LRRC4C: variants seen among roughly 807,000 people sequenced by gnomAD.
LRRC4C encodes the protein leucine rich repeat containing 4C.
Under a neutral mutation model 33.6 loss-of-function variants are expected in LRRC4C, and 5 were observed. The ratio of observed to expected loss-of-function variants is 0.15; its 90% CI spans 0.08 to 0.31. The LOEUF (loss-of-function observed/expected upper bound fraction) is 0.31. Ranked by LOEUF, LRRC4C falls within the 10% of genes least tolerant of loss-of-function variation. LRRC4C has a pLI of 1.00. For missense variants in LRRC4C, 560 were observed against 796.7 expected (o/e 0.70, Z 3.58); for synonymous variants, 329 against 302.0 (o/e 1.09, Z -0.93).
In LRRC4C at chr11:40,779,130, A is replaced by T. The variant is rs562661394; in HGVS notation, c.-406-130852T>A. Reference sequence around the variant, plus strand: ...CAGAACCAGAGTAGTAGTAGTGGAGATAAAATGACTATTTTGGCCTCTGTT... The same window carrying T: ...CAGAACCAGAGTAGTAGTAGTGGAGTTAAAATGACTATTTTGGCCTCTGTT... On this transcript the variant is annotated intron_variant, in intron 2 of 6. Coordinates refer to ENST00000528697, the MANE Select transcript of LRRC4C (RefSeq NM_001258419.2). Among the ~76,000 whole-genome samples the T allele has an allele frequency of 6.6e-4, 101 of 152,308 alleles. 1 individual carries two copies. The highest frequency in any genetic ancestry group is 6.6e-3 in the Admixed American group (101 of 15,296).
chr11:41,226,348 C>T (rs1326362168), intron 1 of LRRC4C, among the ~76,000 whole-genome samples: 1 of 152,114 alleles, frequency 6.6e-6, no homozygotes, highest in Non-Finnish European at 1.5e-5. Context: ...TGGAGTATTT[C>T]AATGCCTGAG....
intron 2 of LRRC4C, among the ~76,000 whole-genome samples, chr11:40,762,386 G>T (rs559662562): frequency 1.3e-5 from 2 of 152,142 alleles, no homozygotes; most frequent in African/African-American, 4.8e-5. Flanking sequence ...CACTCATCTG[G>T]CAAATCAGAG....
chr11:40,513,798 T>G (rs1241984974), intron 3 of LRRC4C, among the ~76,000 whole-genome samples: 1 of 152,214 alleles, frequency 6.6e-6, no homozygotes, highest in Admixed American at 6.5e-5. Flanking sequence ...TACTTTCATT[T>G]CTTTTCTAAT....
intron 3 of LRRC4C, among the ~76,000 whole-genome samples, chr11:40,497,476 C>T (rs1158201643): frequency 6.6e-6 from 1 of 151,800 alleles, no homozygotes. Context: ...CATGGATATA[C>T]TAATATCTCC....
At position 40,687,740 on chromosome 11, in the gene LRRC4C, A is replaced by C. The variant is rs553261970; in HGVS notation, c.-406-39462T>G. Among the ~76,000 whole-genome samples, 11 of 152,244 alleles carry C rather than the reference A, an allele frequency of 7.2e-5. No homozygotes were observed. The South Asian group carries it at 2.3e-3, about 32-fold the overall frequency. On this transcript the variant is annotated intron_variant, in intron 2 of 6. Transcript: ENST00000528697. The stretch of plus-strand genomic sequence containing the variant: ...CAAAACCTGTCTATAATTTTATATT[A>C]AATGTGATAAAATAATGAGGGCTAA...
rs188362691 is a variant in LRRC4C, at chr11:40,187,301, A to C, written c.-95-46448T>G. Among the ~76,000 whole-genome samples, 92 of 151,714 alleles carry C rather than the reference A, an allele frequency of 6.1e-4. 1 individual carries two copies. The highest frequency in any genetic ancestry group is 2.2e-3 in the African/African-American group (92 of 41,384). On this transcript the variant is annotated intron_variant, in intron 5 of 6. Transcript: ENST00000528697. ...GAAGATGAGAATACTTCAAGGTGAA[A>C]TGCCTTTCGGGAGAAAATTTTCTTT... is the stretch of plus-strand genomic sequence containing the variant.
In LRRC4C at chr11:41,009,878, A is replaced by T. The variant is rs531675699; in HGVS notation, c.-495-76155T>A. 1.2e-4 allele frequency among the ~76,000 whole-genome samples: 19 copies of T among 152,294 alleles called. No individual in the cohort carries two copies. In the South Asian group the frequency reaches 3.7e-3, roughly 30 times the overall value. On this transcript the variant is annotated intron_variant, in intron 1 of 6. Transcript: ENST00000528697. ...TCAAAATGTGAATTTGTATAGAAAT[A>T]AGGTTTTAACAAACGTAATCAATTT...
chr11:40,688,743 G>A (rs1228478699), intron 2 of LRRC4C, among the ~76,000 whole-genome samples: 1 of 152,102 alleles, frequency 6.6e-6, no homozygotes, highest in African/African-American at 2.4e-5. Flanking sequence ...TCACAGGACA[G>A]ATATTTAGAA....
At chr11:40,262,711 C>A (rs1419205130) in intron 4 of LRRC4C, among the ~76,000 whole-genome samples, 1 of 152,136 alleles carries the variant, frequency 6.6e-6, no homozygotes, top group Non-Finnish European at 1.5e-5. Flanking sequence ...AACCATCATT[C>A]TCAGGAAACT....
At chr11:41,134,937 T>G (rs537587004) in intron 1 of LRRC4C, among the ~76,000 whole-genome samples, 1 of 152,114 alleles carries the variant, frequency 6.6e-6, no homozygotes, top group Non-Finnish European at 1.5e-5. Flanking sequence ...GTTTTAGTAA[T>G]ACAACTATCA....
intron 1 of LRRC4C, among the ~76,000 whole-genome samples, chr11:41,138,240 T>C (rs1943350938): frequency 1.3e-5 from 2 of 152,256 alleles, no homozygotes; most frequent in South Asian, 4.1e-4. Flanking sequence ...TACTTTCAGA[T>C]GACCAGTCAA....
At chr11:40,128,704 C>T (rs1255671504) in intron 6 of LRRC4C, among the ~76,000 whole-genome samples, 1 of 152,074 alleles carries the variant, frequency 6.6e-6, no homozygotes, top group Non-Finnish European at 1.5e-5. Flanking sequence ...CCCCATTGGC[C>T]TTTCGTGGTT....
intron 1 of LRRC4C, among the ~76,000 whole-genome samples, chr11:41,314,423 TATG>T (rs1950727043): frequency 6.6e-6 from 1 of 152,348 alleles, no homozygotes; most frequent in African/African-American, 2.4e-5. Flanking sequence ...TCAAGATTGA[TATG>T]ATAATTGTCA....
chr11:40,752,008 C>A (rs1312560383), intron 2 of LRRC4C, among the ~76,000 whole-genome samples: 1 of 152,054 alleles, frequency 6.6e-6, no homozygotes, highest in Non-Finnish European at 1.5e-5. Flanking sequence ...AGAAAAGACA[C>A]CCTTTTCAAT....
Position 41,098,323 on chromosome 11 carries a change from C to CAGAT in LRRC4C, c.-495-164604_-495-164601dup, listed in dbSNP as rs1388795481. Among the ~76,000 whole-genome samples the CAGAT allele has an allele frequency of 2.0e-5, 3 of 152,194 alleles. No individual in the cohort carries two copies. In the East Asian group the frequency reaches 5.8e-4, roughly 30 times the overall value. On this transcript the variant is annotated intron_variant, in intron 1 of 6. Coordinates refer to ENST00000528697, the MANE Select transcript of LRRC4C (RefSeq NM_001258419.2). The stretch of plus-strand genomic sequence containing the variant: ...ACTGTTTCTCAATTCTTTCATTGGT[C>CAGAT]AGATATCTCATATCCCTCCAGTTTA...
At chr11:40,358,335 T>C (rs1403322488) in intron 3 of LRRC4C, among the ~76,000 whole-genome samples, 2 of 152,062 alleles carry the variant, frequency 1.3e-5, no homozygotes, top group East Asian at 3.9e-4. Flanking sequence ...GGCTGGAGTG[T>C]AGCGGTGGGA....
intron 2 of LRRC4C, among the ~76,000 whole-genome samples, chr11:40,650,726 C>A (rs932847131): frequency 1.3e-5 from 2 of 152,140 alleles, no homozygotes; most frequent in Admixed American, 1.3e-4. Flanking sequence ...AAAATAACTT[C>A]CTGTGCATCT....
At chr11:40,599,434 C>T (rs1212935825) in intron 3 of LRRC4C, among the ~76,000 whole-genome samples, 1 of 152,070 alleles carries the variant, frequency 6.6e-6, no homozygotes, top group Non-Finnish European at 1.5e-5. Flanking sequence ...GGAGACAGAG[C>T]GAGACCCTGT....
chr11:40,469,883 C>G (rs920140257), intron 3 of LRRC4C, among the ~76,000 whole-genome samples: 3 of 152,174 alleles, frequency 2.0e-5, no homozygotes. Flanking sequence ...CAGCCCCAGT[C>G]AGGGGCTTAT....
Sources: gnomAD v4.1 joint callset for allele counts (sites outside exome capture counted in the v4.1 genomes callset) on GRCh38, gnomAD v4.1.1 for gene constraint, MANE v1.5 for transcripts, NCBI Gene and HGNC (gene_info 2026-07-23, HGNC 2026-07-21) for gene names.